Variants in ARID5B observed in about 807,000 individuals in gnomAD.
ARID5B encodes the protein AT-rich interactive domain-containing protein 5B.
In ARID5B, 13 loss-of-function variants were observed where a neutral mutation model predicts 97.2. That is an observed-to-expected ratio of 0.13 (90% confidence interval 0.09 to 0.21). The LOEUF (loss-of-function observed/expected upper bound fraction) is 0.21, where lower values mean the gene tolerates loss of function less well. Ranked by LOEUF, ARID5B falls within the 10% of genes least tolerant of loss-of-function variation. ARID5B has a pLI of 1.00. For synonymous variants in ARID5B, 556 were observed against 570.3 expected (o/e 0.97, Z 0.36); for missense variants, 1,210 against 1,465.3 (o/e 0.83, Z 2.84).
chr10:61,923,107 A>G (rs1244992412), intron 2 of ARID5B, among the ~76,000 whole-genome samples: 22 of 152,226 alleles, frequency 1.4e-4, no homozygotes, highest in Non-Finnish European at 1.5e-5. Flanking sequence ...AGGAGCATGC[A>G]TCAGCAGTAA....
At chr10:62,088,677 TCTCA>T (rs1840324568) in intron 9 of ARID5B, among the ~76,000 whole-genome samples, 1 of 152,228 alleles carries the variant, frequency 6.6e-6, no homozygotes, top group Non-Finnish European at 1.5e-5. Flanking sequence ...ACGAATCACT[TCTCA>T]CCTCCAACAT....
At chr10:62,060,363 C>T (rs972069449) in intron 7 of ARID5B, among the ~76,000 whole-genome samples, 5 of 152,116 alleles carry the variant, frequency 3.3e-5, no homozygotes, top group Non-Finnish European at 7.4e-5. Context: ...CTATGAATTC[C>T]GACTAAAAAT....
At chr10:62,067,366 A>G (rs1049592585) in intron 7 of ARID5B, among the ~76,000 whole-genome samples, 3 of 152,232 alleles carry the variant, frequency 2.0e-5, no homozygotes, top group Non-Finnish European at 4.4e-5. Context: ...TATAGGCGTG[A>G]GCCACCATGC....
chr10:61,933,355 C>A (rs1844245951), intron 2 of ARID5B, among the ~76,000 whole-genome samples: 1 of 152,190 alleles, frequency 6.6e-6, no homozygotes, highest in African/African-American at 2.4e-5. Context: ...GCCTTCCAAA[C>A]TTCTGTTAAT....
intron 3 of ARID5B, among the ~76,000 whole-genome samples, chr10:61,978,772 G>A (rs1277496166): frequency 1.3e-5 from 2 of 152,112 alleles, no homozygotes; most frequent in Admixed American, 6.5e-5. Context: ...TGAGACGATG[G>A]GGTTTTCTAA....
intron 2 of ARID5B, among the ~76,000 whole-genome samples, chr10:61,922,787 A>T (rs1216475948): frequency 1.3e-5 from 2 of 152,230 alleles, no homozygotes; most frequent in African/African-American, 4.8e-5. Context: ...TGTTGTGTAT[A>T]CGTCAGGAGA....
At position 62,095,693 on chromosome 10, in the gene ARID5B, A is replaced by G. The variant is rs1006398537; in HGVS notation, c.*2663A>G. On this transcript the variant is annotated 3_prime_UTR_variant, in exon 10 of 10. Coordinates refer to ENST00000279873, the MANE Select transcript of ARID5B (RefSeq NM_032199.3). ...TGAACAGAGATCTTGGAAATCTTTCAAAAAGACCATTGAATTCTTCATTGG... is the reference window on the plus strand; with the variant it reads ...TGAACAGAGATCTTGGAAATCTTTCGAAAAGACCATTGAATTCTTCATTGG... 3.4e-5 allele frequency: 8 copies of G among 232,750 alleles called. No individual in the cohort carries two copies. The highest frequency in any genetic ancestry group is 6.0e-5 in the Non-Finnish European group (7 of 117,504). 14.4% of individuals were successfully genotyped at this position (232,750 alleles called of 1,614,324 possible).
intron 4 of ARID5B, among the ~76,000 whole-genome samples, chr10:62,034,611 C>T (rs1197711236): frequency 6.6e-6 from 1 of 152,188 alleles, no homozygotes; most frequent in Non-Finnish European, 1.5e-5. Context: ...CATTTTAATT[C>T]CCGCTGAACA....
At chr10:61,942,994 C>T (rs1294859133) in intron 3 of ARID5B, among the ~76,000 whole-genome samples, 2 of 152,140 alleles carry the variant, frequency 1.3e-5, no homozygotes, top group Non-Finnish European at 2.9e-5. Flanking sequence ...TAAAATACCC[C>T]TTTAAGGATA....
chr10:62,082,892 C>T (rs759787417), intron 8 of ARID5B, among the ~76,000 whole-genome samples: 9 of 152,152 alleles, frequency 5.9e-5, no homozygotes, highest in South Asian at 4.1e-4. Context: ...CGTGCGAGAC[C>T]GTGCCCTGTT....
chr10:62,068,140 C>T (rs988765725), intron 7 of ARID5B, among the ~76,000 whole-genome samples: 1 of 152,110 alleles, frequency 6.6e-6, no homozygotes, highest in Non-Finnish European at 1.5e-5. Context: ...AGGTTGGAGG[C>T]AGATTGTAAC....
chr10:61,938,953 C>T (rs1446472392), intron 2 of ARID5B, among the ~76,000 whole-genome samples: 2 of 119,980 alleles, frequency 1.7e-5, no homozygotes, highest in African/African-American at 3.1e-5. Flanking sequence ...TTTTTTTGTT[C>T]GAATTGGAGA....
At chr10:61,935,367 A>G (rs928516882) in intron 2 of ARID5B, among the ~76,000 whole-genome samples, 1 of 152,168 alleles carries the variant, frequency 6.6e-6, no homozygotes, top group African/African-American at 2.4e-5. Flanking sequence ...CCATGGATAC[A>G]TAAGAACTCT....
chr10:61,939,936 C>T (rs777272159), intron 2 of ARID5B, among the ~76,000 whole-genome samples: 9 of 152,206 alleles, frequency 5.9e-5, no homozygotes, highest in African/African-American at 1.2e-4. Flanking sequence ...GAATTACTGT[C>T]CTATTTTTGG....
intron 2 of ARID5B, among the ~76,000 whole-genome samples, chr10:61,919,036 T>TTCC (rs1843960095): frequency 1.6e-5 from 1 of 63,422 alleles, no homozygotes; most frequent in Non-Finnish European, 2.8e-5. Context: ...CCTGACTCCG[T>TTCC]CCCCCCCCCC....
intron 3 of ARID5B, among the ~76,000 whole-genome samples, chr10:61,973,822 A>T (rs113047363): frequency 2.0e-5 from 3 of 152,222 alleles, no homozygotes; most frequent in African/African-American, 7.2e-5. Context: ...TATTTCAAAT[A>T]ATTAGGTTGA....
intron 3 of ARID5B, among the ~76,000 whole-genome samples, chr10:61,965,252 G>A (rs1162404395): frequency 1.3e-5 from 2 of 152,086 alleles, no homozygotes; most frequent in Non-Finnish European, 2.9e-5. Context: ...TATGTTCAGA[G>A]TTATATATTT....
intron 3 of ARID5B, among the ~76,000 whole-genome samples, chr10:61,988,893 A>G (rs1838882933): frequency 6.6e-6 from 1 of 152,044 alleles, no homozygotes; most frequent in Non-Finnish European, 1.5e-5. Context: ...TACTATGAAA[A>G]AATAATGTAA....
chr10:61,903,039 A>T (rs550055553), intron 2 of ARID5B, among the ~76,000 whole-genome samples: 7 of 152,212 alleles, frequency 4.6e-5, no homozygotes, highest in Non-Finnish European at 1.0e-4. Context: ...TGTAACAGGC[A>T]CAAACACGTT....
Sources: allele counts gnomAD v4.1 joint callset (sites outside exome capture counted in the v4.1 genomes callset), GRCh38; gene constraint gnomAD v4.1.1; transcripts MANE v1.5; gene names NCBI Gene and HGNC (gene_info 2026-07-23, HGNC 2026-07-21).